The following NPAS3 variants were observed in gnomAD, a reference collection of about 807,000 sequenced individuals.
NPAS3 encodes the protein neuronal PAS domain protein 3.
A neutral mutation model predicts 73.1 loss-of-function variants in NPAS3; 14 were observed. The ratio of observed to expected loss-of-function variants is 0.19; its 90% CI spans 0.13 to 0.30. The LOEUF is 0.30. NPAS3 is among the 10% of genes least tolerant of loss of function. The pLI is 1.00. For missense variants in NPAS3, 1,096 were observed against 1,250.0 expected (o/e 0.88, Z 1.86); for synonymous variants, 620 against 541.5 (o/e 1.14, Z -2.01).
At chr14:33,251,579 A>G (rs561384326) in intron 3 of NPAS3, among the ~76,000 whole-genome samples, 2 of 152,138 alleles carry the variant, frequency 1.3e-5, no homozygotes, top group Admixed American at 6.6e-5. Flanking sequence ...TTTACTTTTT[A>G]TACTTATCTA....
intron 5 of NPAS3, among the ~76,000 whole-genome samples, chr14:33,655,989 C>T (rs570768151): frequency 6.6e-6 from 1 of 152,262 alleles, no homozygotes; most frequent in African/African-American, 2.4e-5. Context: ...CATTCTGAGG[C>T]CACCAGTTTT....
chr14:33,466,872 A>G (rs1387279439), intron 4 of NPAS3, among the ~76,000 whole-genome samples: 2 of 152,104 alleles, frequency 1.3e-5, no homozygotes, highest in Non-Finnish European at 2.9e-5. Flanking sequence ...TACAGGCCCC[A>G]CCTCCGACAC....
At chr14:33,560,384 A>C in intron 5 of NPAS3, 174 bp downstream of exon 5, 1 of 477,718 alleles carries the variant, frequency 2.1e-6, no homozygotes, top group Non-Finnish European at 3.8e-6. Flanking sequence ...AGTGTTGAAC[A>C]TTCAGAATAA....
chr14:33,383,089 A>T (rs1355301438), intron 4 of NPAS3, among the ~76,000 whole-genome samples: 2 of 97,360 alleles, frequency 2.1e-5, no homozygotes, highest in East Asian at 2.4e-4. Flanking sequence ...ACCCTGTCTT[A>T]AAAAAAAAAA....
At chr14:33,093,531 C>A (rs188608473) in intron 2 of NPAS3, among the ~76,000 whole-genome samples, 31 of 152,258 alleles carry the variant, frequency 2.0e-4, no homozygotes, top group African/African-American at 7.2e-4. Flanking sequence ...GGAATGTAAA[C>A]TAGTTCAACC....
In NPAS3 at chr14:33,050,106, C is replaced by T. The variant is rs189486336; in HGVS notation, c.51-5799C>T. Among the ~76,000 whole-genome samples the T allele has an allele frequency of 1.4e-3, 217 of 152,212 alleles. 2 individuals are homozygous for T. Among genetic ancestry groups the T allele is most frequent in the African/African-American group, 5.0e-3 (209 of 41,538 alleles). On this transcript the variant is annotated intron_variant, in intron 1 of 11. Transcript: ENST00000356141. ...TAATTGGAATCAGACTCCTAGGTCACGTTAAAAGTCAAAGTCAACTCTTCC... is the reference window on the plus strand; with the variant it reads ...TAATTGGAATCAGACTCCTAGGTCATGTTAAAAGTCAAAGTCAACTCTTCC...
At chr14:33,364,119 C>G (rs1280166120) in intron 3 of NPAS3, among the ~76,000 whole-genome samples, 1 of 152,138 alleles carries the variant, frequency 6.6e-6, no homozygotes, top group Non-Finnish European at 1.5e-5. Context: ...GTTTTAGAAA[C>G]TGTCAATTTC....
At chr14:33,562,279 C>T (rs8004753) in intron 5 of NPAS3, among the ~76,000 whole-genome samples, 2,739 of 152,242 alleles carry the variant, frequency 0.018, 42 homozygotes, top group Middle Eastern at 0.061. Context: ...ACTGTGTAGA[C>T]ATGGTACAGT....
At chr14:33,232,992 A>G (rs528657686) in intron 3 of NPAS3, among the ~76,000 whole-genome samples, 1 of 152,294 alleles carries the variant, frequency 6.6e-6, no homozygotes, top group South Asian at 2.1e-4. Context: ...AACAAACCTT[A>G]CATCCAAATC....
At chr14:33,751,337 C>T (rs893950889) in intron 7 of NPAS3, among the ~76,000 whole-genome samples, 6 of 152,174 alleles carry the variant, frequency 3.9e-5, no homozygotes, top group African/African-American at 1.2e-4. Flanking sequence ...TTTCTCCATT[C>T]GTTTTTCCTT....
chr14:33,215,096 A>G (rs2047171242), intron 2 of NPAS3, 86 bp from the exon 3 acceptor site: 1 of 1,393,162 alleles, frequency 7.2e-7, no homozygotes, highest in South Asian at 1.4e-5. Flanking sequence ...TTTTGGTGGG[A>G]AAAAAGGAAA....
intron 2 of NPAS3, among the ~76,000 whole-genome samples, chr14:33,191,954 G>A (rs1003478059): frequency 2.3e-4 from 35 of 152,304 alleles, no homozygotes; most frequent in East Asian, 5.8e-4. Context: ...TTGCTGATGT[G>A]TGTGTGGTTT....
chr14:33,159,690 A>T (rs1477957707), intron 2 of NPAS3, among the ~76,000 whole-genome samples: 2 of 151,126 alleles, frequency 1.3e-5, no homozygotes, highest in Non-Finnish European at 2.9e-5. Context: ...AGTAGCTGGG[A>T]CTACAGGCGC....
intron 7 of NPAS3, among the ~76,000 whole-genome samples, chr14:33,769,525 T>C (rs948692504): frequency 6.6e-6 from 1 of 152,222 alleles, no homozygotes; most frequent in African/African-American, 2.4e-5. Context: ...TCTCTGTCTT[T>C]TCTCCTGCTG....
chr14:33,337,370 C>T (rs1049243559), intron 3 of NPAS3, among the ~76,000 whole-genome samples: 1 of 152,004 alleles, frequency 6.6e-6, no homozygotes, highest in African/African-American at 2.4e-5. Flanking sequence ...ATTGAGTAGC[C>T]TTGACACCTC....
At chr14:33,066,627 A>G (rs779421594) in intron 2 of NPAS3, among the ~76,000 whole-genome samples, 20 of 152,168 alleles carry the variant, frequency 1.3e-4, no homozygotes, top group Non-Finnish European at 2.5e-4. Context: ...AATTTGCAGG[A>G]CATAAATGTT....
At chr14:33,476,237 GT>G (rs1045330380) in intron 4 of NPAS3, among the ~76,000 whole-genome samples, 2 of 152,160 alleles carry the variant, frequency 1.3e-5, no homozygotes, top group Non-Finnish European at 2.9e-5. Context: ...ATAAAAATAT[GT>G]TTTTGACACA....
chr14:33,645,866 A>C (rs1054895723), intron 5 of NPAS3, among the ~76,000 whole-genome samples: 7 of 152,208 alleles, frequency 4.6e-5, no homozygotes, highest in African/African-American at 1.7e-4. Flanking sequence ...GCACTACATG[A>C]GTGCATGCGT....
intron 4 of NPAS3, among the ~76,000 whole-genome samples, chr14:33,385,422 C>T (rs1479526269): frequency 1.3e-5 from 2 of 152,118 alleles, no homozygotes; most frequent in Non-Finnish European, 2.9e-5. Context: ...AGACCCTGCA[C>T]CCTATGTTTC....
Sources: allele counts gnomAD v4.1 joint callset (sites outside exome capture counted in the v4.1 genomes callset), GRCh38; gene constraint gnomAD v4.1.1; transcripts MANE v1.5; gene names NCBI Gene and HGNC (gene_info 2026-07-23, HGNC 2026-07-21).